Variants in SEMA3A observed in about 807,000 individuals in gnomAD.
SEMA3A encodes the protein semaphorin 3A.
In SEMA3A, 29 loss-of-function variants were observed where a neutral mutation model predicts 97.9. That is an observed-to-expected ratio of 0.30 (90% confidence interval 0.22 to 0.40). SEMA3A has a LOEUF of 0.40. Among genes scored for constraint, SEMA3A ranks in the 10% least tolerant of loss-of-function variants. The pLI is 1.00. For synonymous variants in SEMA3A, 321 were observed against 323.7 expected (o/e 0.99, Z 0.09); for missense variants, 763 against 951.3 (o/e 0.80, Z 2.60).
intron 3 of SEMA3A, among the ~76,000 whole-genome samples, chr7:84,251,031 C>T (rs913887353): frequency 3.3e-5 from 5 of 152,132 alleles, no homozygotes; most frequent in African/African-American, 9.7e-5. Flanking sequence ...ACAGAGCTTA[C>T]TCTTACTAAG....
intron 3 of SEMA3A, among the ~76,000 whole-genome samples, chr7:84,223,213 AC>A (rs1798918436): frequency 6.6e-6 from 1 of 151,852 alleles, no homozygotes; most frequent in Non-Finnish European, 1.5e-5. Context: ...TTAATGTTTC[AC>A]GAAGAAGAAA....
At chr7:84,068,870 C>T (rs1793640185) in intron 4 of SEMA3A, among the ~76,000 whole-genome samples, 1 of 152,098 alleles carries the variant, frequency 6.6e-6, no homozygotes, top group African/African-American at 2.4e-5. Flanking sequence ...GTCATGGTGT[C>T]AGGTAATGTG....
intron 14 of SEMA3A, 83 bp from the exon 15 acceptor site, chr7:83,977,279 A>T (rs373871518): frequency 9.2e-5 from 55 of 600,788 alleles, no homozygotes; most frequent in Middle Eastern, 9.3e-4. Flanking sequence ...AGAGAAATAA[A>T]ATATATATAT....
chr7:84,056,658 G>GCAATC (rs1025424937), intron 5 of SEMA3A, among the ~76,000 whole-genome samples: 1 of 151,622 alleles, frequency 6.6e-6, no homozygotes, highest in African/African-American at 2.4e-5. Flanking sequence ...GAGCACGGAT[G>GCAATC]CAATCCATGG....
chr7:84,176,681 C>A (rs2116222872), intron 1 of SEMA3A, among the ~76,000 whole-genome samples: 1 of 152,230 alleles, frequency 6.6e-6, no homozygotes, highest in South Asian at 2.1e-4. Context: ...ACTTTTGGAC[C>A]TGACAGGGAG....
intron 2 of SEMA3A, among the ~76,000 whole-genome samples, chr7:84,329,120 C>T (rs515139): frequency 0.45 from 68,906 of 151,644 alleles, 17,935 homozygotes; most frequent in African/African-American, 0.69. Flanking sequence ...AAAAAAAACC[C>T]GATTGCATCA....
intron 1 of SEMA3A, chr7:84,489,096 A>T (rs559235559): frequency 6.6e-6 from 1 of 152,538 alleles, no homozygotes; most frequent in East Asian, 1.9e-4. Context: ...ATTGACTCAC[A>T]GTTCCACATG....
intron 1 of SEMA3A, among the ~76,000 whole-genome samples, chr7:84,415,766 T>C (rs1195645537): frequency 6.6e-6 from 1 of 152,136 alleles, no homozygotes; most frequent in African/African-American, 2.4e-5. Flanking sequence ...TGCTTCTATA[T>C]GTGTCCTGAT....
At chr7:84,477,092 A>ATATT (rs1228001155) in intron 1 of SEMA3A, among the ~76,000 whole-genome samples, 22 of 141,566 alleles carry the variant, frequency 1.6e-4, no homozygotes, top group African/African-American at 4.9e-4. Flanking sequence ...ATATATATAT[A>ATATT]TTTTTCAAAA....
chr7:84,253,339 G>A (rs1261656369), intron 3 of SEMA3A, among the ~76,000 whole-genome samples: 1 of 151,750 alleles, frequency 6.6e-6, no homozygotes, highest in Non-Finnish European at 1.5e-5. Context: ...CAGCTTATAT[G>A]GATTCTCTAG....
At chr7:84,275,016 A>T (rs1384680802) in intron 3 of SEMA3A, among the ~76,000 whole-genome samples, 2 of 152,098 alleles carry the variant, frequency 1.3e-5, no homozygotes, top group Non-Finnish European at 2.9e-5. Context: ...TAATTTTACT[A>T]CAAGTTTCAC....
At chr7:84,447,622 G>C (rs986120511) in intron 1 of SEMA3A, among the ~76,000 whole-genome samples, 2 of 152,156 alleles carry the variant, frequency 1.3e-5, no homozygotes, top group Admixed American at 1.3e-4. Flanking sequence ...CTGTGGAAAG[G>C]AGCTACCCAC....
chr7:84,053,446 G>C (rs1030217547), intron 5 of SEMA3A, among the ~76,000 whole-genome samples: 2 of 105,764 alleles, frequency 1.9e-5, no homozygotes, highest in African/African-American at 3.0e-5. Flanking sequence ...TTGTTGAATT[G>C]ATCCCTTTAC....
chr7:83,989,448 C>T (rs980500403), intron 12 of SEMA3A, among the ~76,000 whole-genome samples: 3 of 115,264 alleles, frequency 2.6e-5, no homozygotes, highest in Non-Finnish European at 4.1e-5. Context: ...GGTATATCTC[C>T]CAATGCTATC....
chr7:84,098,447 T>C (rs1794846133), intron 4 of SEMA3A, among the ~76,000 whole-genome samples: 1 of 152,072 alleles, frequency 6.6e-6, no homozygotes, highest in Non-Finnish European at 1.5e-5. Flanking sequence ...GCTCAATCCC[T>C]AGAATTTCTA....
intron 3 of SEMA3A, among the ~76,000 whole-genome samples, chr7:84,246,806 T>C (rs976953140): frequency 1.3e-5 from 2 of 152,090 alleles, no homozygotes; most frequent in African/African-American, 4.8e-5. Flanking sequence ...TAATTTAACT[T>C]TTAAAAATTA....
chr7:84,128,965 T>C (rs1034970227), intron 3 of SEMA3A, among the ~76,000 whole-genome samples, 158 bp downstream of exon 3: 1 of 152,168 alleles, frequency 6.6e-6, no homozygotes, highest in Non-Finnish European at 1.5e-5. Context: ...GCTTTTAGTA[T>C]TGGGTTCTAT....
intron 1 of SEMA3A, among the ~76,000 whole-genome samples, chr7:84,465,158 G>A (rs970624698): frequency 7.9e-5 from 12 of 152,082 alleles, no homozygotes; most frequent in African/African-American, 2.9e-4. Context: ...AATTTTTCTA[G>A]TATCAGTTTC....
intron 1 of SEMA3A, among the ~76,000 whole-genome samples, chr7:84,473,089 C>T (rs979857867): frequency 6.6e-6 from 1 of 150,858 alleles, no homozygotes; most frequent in Non-Finnish European, 1.5e-5. Context: ...GAATACCATA[C>T]ATAAAATTGC....
Sources: allele counts gnomAD v4.1 joint callset (sites outside exome capture counted in the v4.1 genomes callset), GRCh38; gene constraint gnomAD v4.1.1; transcripts MANE v1.5; gene names NCBI Gene and HGNC (gene_info 2026-07-23, HGNC 2026-07-21).